The following PREX2 variants were observed in gnomAD, a reference collection of about 807,000 sequenced individuals.
The protein encoded by PREX2 is phosphatidylinositol 3,4,5-trisphosphate-dependent Rac exchanger 2 protein.
PREX2 carries 107 observed loss-of-function variants against 203.2 expected under a neutral mutation model. The ratio of observed to expected loss-of-function variants is 0.53; its 90% CI spans 0.45 to 0.62. The LOEUF is 0.62. Ranked by LOEUF, PREX2 falls within the 20% of genes least tolerant of loss-of-function variation. The probability of loss-of-function intolerance (pLI) is 0.00; values close to 1 mark genes in which losing one functional copy is unlikely to be tolerated. For missense variants in PREX2, 1,777 were observed against 1,955.9 expected (o/e 0.91, Z 1.72); for synonymous variants, 672 against 663.6 (o/e 1.01, Z -0.19).
chr8:67,955,464 TC>T lies in PREX2; in HGVS notation c.141+2931del, dbSNP rs143353706. Among the ~76,000 whole-genome samples, 546 of 152,344 alleles carry T rather than the reference TC, an allele frequency of 3.6e-3. 10 individuals carry two copies. The highest frequency in any genetic ancestry group is 0.013 in the African/African-American group (524 of 41,584). On this transcript the variant is annotated intron_variant, in intron 1 of 39. Coordinates refer to ENST00000288368, the MANE Select transcript of PREX2 (RefSeq NM_024870.4). ...TTCCTCAGGCCTCTGCCTTTGTTCT[TC>T]CTGGGGCCTTCCTTTTGTACCTGGT...
At chr8:68,085,151 G>A (rs1444812467) in intron 18 of PREX2, among the ~76,000 whole-genome samples, 1 of 152,124 alleles carries the variant, frequency 6.6e-6, no homozygotes, top group African/African-American at 2.4e-5. Context: ...GAGTACCTGT[G>A]CCATGGAACT....
In PREX2 at chr8:67,980,301, C is replaced by T. The variant is rs187027235; in HGVS notation, c.141+27766C>T. ...GCCTAGCCTTCCCCCAGGGTCTCCACTCTACTTTTTAACTTGGAATATTGC... is the reference window on the plus strand; with the variant it reads ...GCCTAGCCTTCCCCCAGGGTCTCCATTCTACTTTTTAACTTGGAATATTGC... On this transcript the variant is annotated intron_variant, in intron 1 of 39. Transcript: ENST00000288368. Among the ~76,000 whole-genome samples, 414 of 152,260 alleles carry T rather than the reference C, an allele frequency of 2.7e-3. 4 individuals are homozygous for T. Among genetic ancestry groups the T allele is most frequent in the African/African-American group, 9.5e-3 (393 of 41,552 alleles).
Position 68,233,379 on chromosome 8 carries a change from A to C in PREX2, c.*2001A>C, listed in dbSNP as rs1426794473. 1 of 152,174 alleles carries C rather than the reference A, an allele frequency of 6.6e-6. No individual in the cohort carries two copies. The highest frequency in any genetic ancestry group is 2.4e-5 in the African/African-American group (1 of 41,452). 9.4% of individuals were successfully genotyped at this position (152,174 alleles called of 1,614,324 possible). ...GTACTTTGCCATATTTCATGGGGCA[A>C]ATTATCAGCTATATTGTGGTATTTA... On this transcript the variant is annotated 3_prime_UTR_variant, in exon 40 of 40. Coordinates refer to ENST00000288368, the MANE Select transcript of PREX2 (RefSeq NM_024870.4).
At chr8:68,152,289 G>GAGAAAAAA (rs1554581338) in intron 34 of PREX2, among the ~76,000 whole-genome samples, 2 of 72,918 alleles carry the variant, frequency 2.7e-5, no homozygotes, top group East Asian at 9.5e-4. Context: ...CCCTCTCAGA[G>GAGAAAAAA]AAAAAAAAAA....
intron 11 of PREX2, among the ~76,000 whole-genome samples, chr8:68,066,827 C>T (rs1415981332): frequency 2.6e-5 from 4 of 152,126 alleles, no homozygotes; most frequent in South Asian, 2.1e-4. Flanking sequence ...GTAGCTGTTC[C>T]CTAATCTTTT....
intron 1 of PREX2, among the ~76,000 whole-genome samples, chr8:68,013,840 T>A (rs13279769): frequency 0.44 from 67,465 of 152,002 alleles, 18,634 homozygotes; most frequent in African/African-American, 0.79. Context: ...AATAGTCTAC[T>A]TTCAGAATTT....
chr8:68,161,434 C>T (rs1409236697), intron 35 of PREX2, among the ~76,000 whole-genome samples: 2 of 152,060 alleles, frequency 1.3e-5, no homozygotes, highest in African/African-American at 4.8e-5. Context: ...TCTAAGAAAA[C>T]CCTGTTATTC....
chr8:68,119,857 T>C (rs562295246), intron 28 of PREX2, among the ~76,000 whole-genome samples: 3 of 152,170 alleles, frequency 2.0e-5, no homozygotes, highest in Non-Finnish European at 4.4e-5. Context: ...GCACAAGATA[T>C]TGCCTTGGAT....
intron 31 of PREX2, among the ~76,000 whole-genome samples, chr8:68,132,818 T>A (rs1811034200): frequency 6.6e-6 from 1 of 152,158 alleles, no homozygotes; most frequent in South Asian, 2.1e-4. Context: ...CTAGTGGAAG[T>A]GATTTTCCAA....
chr8:68,091,598 T>G lies in PREX2; in HGVS notation c.2250+883T>G, dbSNP rs561089547. Among the ~76,000 whole-genome samples, 5 of 152,286 alleles carry G rather than the reference T, an allele frequency of 3.3e-5. No individual in the cohort carries two copies. The South Asian group carries it at 1.0e-3, about 32-fold the overall frequency. ...ATCTACATGAAAATAACTGATCAGT[T>G]TTACTTAATGAGAAGGTCAGACCTA... On this transcript the variant is annotated intron_variant, in intron 20 of 39. Transcript: ENST00000288368.
rs564214556 is a variant in PREX2 at position 68,088,881 on chromosome 8, T to C, written c.2113+1072T>C. Among the ~76,000 whole-genome samples the C allele has an allele frequency of 7.2e-5, 11 of 152,306 alleles. No homozygotes were observed. The East Asian group carries it at 2.1e-3, about 29-fold the overall frequency. ...AATCAAGCTGTACCTCTTCCCTTAT[T>C]ACAATGTCATTTAAAGAGCAAGGTT... On this transcript the variant is annotated intron_variant, in intron 19 of 39. Transcript: ENST00000288368.
chr8:68,136,625 T>A (rs966542495), intron 32 of PREX2, among the ~76,000 whole-genome samples: 1 of 152,226 alleles, frequency 6.6e-6, no homozygotes, highest in African/African-American at 2.4e-5. Context: ...TCCTGTCCTT[T>A]CTTTCTAGGG....
chr8:68,131,098 C>A (rs141926358), intron 31 of PREX2, among the ~76,000 whole-genome samples: 4 of 152,316 alleles, frequency 2.6e-5, no homozygotes, highest in African/African-American at 9.6e-5. Context: ...CTGTGTACCC[C>A]ACACTTCTGA....
chr8:68,062,876 C>G (rs981527328), intron 11 of PREX2, among the ~76,000 whole-genome samples: 1 of 152,038 alleles, frequency 6.6e-6, no homozygotes, highest in Non-Finnish European at 1.5e-5. Context: ...AAAATATAAG[C>G]ACCATCCAAA....
intron 1 of PREX2, among the ~76,000 whole-genome samples, chr8:67,988,045 G>A (rs993090321): frequency 1.3e-5 from 2 of 152,082 alleles, no homozygotes; most frequent in East Asian, 1.9e-4. Flanking sequence ...TTGTTCCCTC[G>A]CAAAATGAAT....
chr8:67,967,317 T>C (rs1189336764), intron 1 of PREX2, among the ~76,000 whole-genome samples: 1 of 152,232 alleles, frequency 6.6e-6, no homozygotes, highest in African/African-American at 2.4e-5. Flanking sequence ...ACTAGTGTCA[T>C]TCTTTAGTTG....
At chr8:68,111,364 T>A (rs1810531327) in intron 25 of PREX2, among the ~76,000 whole-genome samples, 1 of 152,072 alleles carries the variant, frequency 6.6e-6, no homozygotes, top group African/African-American at 2.4e-5. Context: ...TGCCTCACAA[T>A]CCTCCAGACT....
chr8:68,092,439 A>T (rs1326609885), intron 20 of PREX2, among the ~76,000 whole-genome samples: 1 of 152,224 alleles, frequency 6.6e-6, no homozygotes, highest in African/African-American at 2.4e-5. Context: ...TCAATAATGC[A>T]GTTTAATTTG....
At chr8:68,022,344 G>A (rs768378442) in intron 4 of PREX2, among the ~76,000 whole-genome samples, 12 of 152,202 alleles carry the variant, frequency 7.9e-5, no homozygotes, top group Non-Finnish European at 8.8e-5. Context: ...ATGCCCCCTC[G>A]TGGTTGATTA....
Sources: gnomAD v4.1 joint callset for allele counts (sites outside exome capture counted in the v4.1 genomes callset) on GRCh38, gnomAD v4.1.1 for gene constraint, MANE v1.5 for transcripts, NCBI Gene and HGNC (gene_info 2026-07-23, HGNC 2026-07-21) for gene names.